Variants in FZD3 observed in about 807,000 individuals in gnomAD.
FZD3 encodes the protein frizzled class receptor 3.
In FZD3, 30 loss-of-function variants were observed where a neutral mutation model predicts 60.7. The ratio of observed to expected loss-of-function variants is 0.49; its 90% CI spans 0.37 to 0.67. The LOEUF is 0.67. FZD3 is among the 30% of genes least tolerant of loss of function. The pLI is 0.00. For missense variants in FZD3, 605 were observed against 838.7 expected (o/e 0.72, Z 3.44); for synonymous variants, 246 against 275.2 (o/e 0.89, Z 1.05).
At chr8:28,524,197 A>G (rs1804658426) in intron 4 of FZD3, among the ~76,000 whole-genome samples, 1 of 152,168 alleles carries the variant, frequency 6.6e-6, no homozygotes, top group South Asian at 2.1e-4. Context: ...TTTTTATCCT[A>G]AATAGACCCT....
intron 6 of FZD3, among the ~76,000 whole-genome samples, chr8:28,552,557 T>C (rs1322750901): frequency 6.6e-6 from 1 of 152,238 alleles, no homozygotes; most frequent in Non-Finnish European, 1.5e-5. Context: ...TAGTGGATTC[T>C]ATATTTCTTA....
chr8:28,524,989 A>T (rs1415264152), intron 4 of FZD3, among the ~76,000 whole-genome samples: 1 of 152,220 alleles, frequency 6.6e-6, no homozygotes, highest in Non-Finnish European at 1.5e-5. Flanking sequence ...CCTTCAGCTA[A>T]CTAATTTCAT....
At position 28,569,843 on chromosome 8, in the gene FZD3, T is replaced by A. The variant is rs1032696763; in HGVS notation, c.*6832T>A. 3 of 152,210 alleles carry A rather than the reference T, an allele frequency of 2.0e-5. No homozygotes were observed. Among genetic ancestry groups the A allele is most frequent in the Non-Finnish European group, 4.4e-5 (3 of 68,024 alleles). The allele number at this position is 152,210 out of a possible 1,614,324, so 9.4% of individuals were successfully genotyped here. ...GTTTTGTGGTCTTTGTTCTCTTAAATATGAATATAGCTAGTTAGCCTAAAA... is the reference window on the plus strand; with the variant it reads ...GTTTTGTGGTCTTTGTTCTCTTAAAAATGAATATAGCTAGTTAGCCTAAAA... On this transcript the variant is annotated 3_prime_UTR_variant, in exon 8 of 8. Transcript: ENST00000240093.
chr8:28,497,662 A>G (rs1803878961), intron 1 of FZD3, among the ~76,000 whole-genome samples: 2 of 152,230 alleles, frequency 1.3e-5, no homozygotes, highest in South Asian at 4.1e-4. Flanking sequence ...AAGAAAATGA[A>G]ATCTCAACAG....
chr8:28,507,231 T>A (rs762656766), intron 3 of FZD3, among the ~76,000 whole-genome samples: 2 of 152,192 alleles, frequency 1.3e-5, no homozygotes, highest in Non-Finnish European at 2.9e-5. Flanking sequence ...CTGTTTTAAT[T>A]TATAGGTTTT....
rs1472410016 is a variant in FZD3 at position 28,570,383 on chromosome 8, T to C, written c.*7372T>C. On this transcript the variant is annotated 3_prime_UTR_variant, in exon 8 of 8. Transcript: ENST00000240093. Reference sequence around the variant, plus strand: ...GGCTCACGCCTGTAATCCCAACACTTTGGGAGGCCGAGGCGGGCGGATCAC... The same window carrying C: ...GGCTCACGCCTGTAATCCCAACACTCTGGGAGGCCGAGGCGGGCGGATCAC... 6.6e-6 allele frequency: 1 copy of C among 152,248 alleles called. No homozygotes were observed. Among genetic ancestry groups the C allele is most frequent in the Non-Finnish European group, 1.5e-5 (1 of 68,192 alleles). 9.4% of individuals were successfully genotyped at this position (152,248 alleles called of 1,614,324 possible). A position where few individuals can be genotyped will look rare whatever the true frequency, so the allele number is the denominator to read the frequency against.
At chr8:28,523,947 CT>C (rs1804650643) in intron 4 of FZD3, among the ~76,000 whole-genome samples, 1 of 152,088 alleles carries the variant, frequency 6.6e-6, no homozygotes, top group Non-Finnish European at 1.5e-5. Flanking sequence ...AGTTTGGCCC[CT>C]TTTCCTCCCT....
chr8:28,525,833 C>T lies in FZD3; in HGVS notation c.387-1314C>T, dbSNP rs543116143. 2.8e-4 allele frequency among the ~76,000 whole-genome samples: 42 copies of T among 152,220 alleles called. 2 individuals carry two copies. The South Asian group carries it at 5.2e-3, about 19-fold the overall frequency. Reference sequence around the variant, plus strand: ...AATATTTATGGCTCAGACTGGGCACCAGCAGGGGAGGAAATGAGAAGAGTT... The same window carrying T: ...AATATTTATGGCTCAGACTGGGCACTAGCAGGGGAGGAAATGAGAAGAGTT... On this transcript the variant is annotated intron_variant, in intron 4 of 7. Transcript: ENST00000240093.
At chr8:28,543,166 C>T (rs1805212066) in intron 5 of FZD3, among the ~76,000 whole-genome samples, 2 of 152,172 alleles carry the variant, frequency 1.3e-5, no homozygotes, top group Non-Finnish European at 2.9e-5. Flanking sequence ...CTGATTAGCT[C>T]TCTTTATCTT....
In FZD3 at chr8:28,568,786, T is replaced by C. The variant is rs973344542; in HGVS notation, c.*5775T>C. 1 of 152,174 alleles carries C rather than the reference T, an allele frequency of 6.6e-6. No individual in the cohort carries two copies. The highest frequency in any genetic ancestry group is 1.5e-5 in the Non-Finnish European group (1 of 67,980). The allele number at this position is 152,174 out of a possible 1,614,324, so 9.4% of individuals were successfully genotyped here. A position where few individuals can be genotyped will look rare whatever the true frequency, so the allele number is the denominator to read the frequency against. ...TATAAGACACAGTAGTTCAATCTGT[T>C]GAAAGGCATTGAAGGATAATTTCCT... On this transcript the variant is annotated 3_prime_UTR_variant, in exon 8 of 8. Transcript: ENST00000240093.
At chr8:28,514,962 C>T (rs1341617280) in intron 3 of FZD3, among the ~76,000 whole-genome samples, 2 of 152,146 alleles carry the variant, frequency 1.3e-5, no homozygotes, top group Non-Finnish European at 2.9e-5. Context: ...TTAAGTACAA[C>T]AAATTTGTTA....
In FZD3 at chr8:28,568,374, C is replaced by T. The variant is rs149948601; in HGVS notation, c.*5363C>T. On this transcript the variant is annotated 3_prime_UTR_variant, in exon 8 of 8. Coordinates refer to ENST00000240093, the MANE Select transcript of FZD3 (RefSeq NM_017412.4). Reference sequence around the variant, plus strand: ...ATTCTCTTCTCTCCTTCTTTTGTTCCGATTAGATGAATTTGGGAAAGGAGT... The same window carrying T: ...ATTCTCTTCTCTCCTTCTTTTGTTCTGATTAGATGAATTTGGGAAAGGAGT... The T allele has an allele frequency of 3.3e-5, 5 of 151,952 alleles. No homozygotes were observed. The highest frequency in any genetic ancestry group is 2.1e-4 in the South Asian group (1 of 4,828). The allele number at this position is 151,952 out of a possible 1,614,324, so 9.4% of individuals were successfully genotyped here. A position where few individuals can be genotyped will look rare whatever the true frequency, so the allele number is the denominator to read the frequency against.
At chr8:28,550,481 C>CTTTTTTTTTTT (rs386412443) in intron 5 of FZD3, among the ~76,000 whole-genome samples, 38 of 34,336 alleles carry the variant, frequency 1.1e-3, no homozygotes, top group East Asian at 2.4e-3. Flanking sequence ...CTTCTTTTAT[C>CTTTTTTTTTTT]TTTTTTTTTT....
At chr8:28,517,071 T>C (rs528013121) in intron 3 of FZD3, among the ~76,000 whole-genome samples, 1 of 152,334 alleles carries the variant, frequency 6.6e-6, no homozygotes, top group South Asian at 2.1e-4. Context: ...TTAATTCATT[T>C]TTAATTTTCA....
chr8:28,499,170 C>G (rs998754879), intron 1 of FZD3, among the ~76,000 whole-genome samples: 11 of 152,096 alleles, frequency 7.2e-5, no homozygotes, highest in African/African-American at 2.7e-4. Context: ...TCATAAAATT[C>G]CATAAAGCAT....
rs1344304911 is a variant in FZD3, at chr8:28,570,907, T to G, written c.*7896T>G. 1 of 152,038 alleles carries G rather than the reference T, an allele frequency of 6.6e-6. No individual in the cohort carries two copies. Among genetic ancestry groups the G allele is most frequent in the Non-Finnish European group, 1.5e-5 (1 of 68,000 alleles). 9.4% of individuals were successfully genotyped at this position (152,038 alleles called of 1,614,324 possible). A position where few individuals can be genotyped will look rare whatever the true frequency, so the allele number is the denominator to read the frequency against. ...GGTGTGATTCTTTAGCTACATTTAT[T>G]CCTTGTCTTATGTCATTTCACTGGA... On this transcript the variant is annotated 3_prime_UTR_variant, in exon 8 of 8. Transcript: ENST00000240093.
At chr8:28,552,283 A>T (rs1273402336) in intron 6 of FZD3, among the ~76,000 whole-genome samples, 1 of 152,234 alleles carries the variant, frequency 6.6e-6, no homozygotes, top group Non-Finnish European at 1.5e-5. Context: ...ATTCTAATAT[A>T]GTACGTTAAA....
At chr8:28,503,323 C>A in intron 3 of FZD3, 121 bp downstream of exon 3, 1 of 531,762 alleles carries the variant, frequency 1.9e-6, no homozygotes, top group Non-Finnish European at 3.3e-6. Flanking sequence ...TAAATTATAT[C>A]TTATAAATTT....
intron 1 of FZD3, among the ~76,000 whole-genome samples, chr8:28,496,262 A>G (rs1338712170): frequency 3.9e-5 from 6 of 152,282 alleles, no homozygotes; most frequent in African/African-American, 2.4e-5. Context: ...CTTAAATTTC[A>G]TGTTAGTTTG....
Sources: gnomAD v4.1 joint callset for allele counts (sites outside exome capture counted in the v4.1 genomes callset) on GRCh38, gnomAD v4.1.1 for gene constraint, MANE v1.5 for transcripts, NCBI Gene and HGNC (gene_info 2026-07-23, HGNC 2026-07-21) for gene names.